RAB4A: variants seen among roughly 807,000 people sequenced by gnomAD.
RAB4A encodes the protein ras-related protein Rab-4A.
Under a neutral mutation model 34.5 loss-of-function variants are expected in RAB4A, and 20 were observed. The observed-to-expected ratio is 0.58, with a 90% CI of 0.41 to 0.84. The LOEUF (loss-of-function observed/expected upper bound fraction) is 0.84, where lower values mean the gene tolerates loss of function less well. RAB4A is among the 40% of genes least tolerant of loss of function. The pLI, the probability that RAB4A is intolerant of heterozygous loss-of-function variation, is 0.00. For missense variants in RAB4A, 228 were observed against 274.5 expected (o/e 0.83, Z 1.20); for synonymous variants, 102 against 100.0 (o/e 1.02, Z -0.12).
chr1:229,281,859 G>T (rs1656788852), intron 1 of RAB4A, among the ~76,000 whole-genome samples: 1 of 143,162 alleles, frequency 7.0e-6, no homozygotes, highest in Admixed American at 7.0e-5. Flanking sequence ...ATAGTTTACT[G>T]TTGTCATCTT....
intron 3 of RAB4A, among the ~76,000 whole-genome samples, chr1:229,293,962 T>A (rs1042844908): frequency 3.3e-5 from 5 of 152,114 alleles, no homozygotes; most frequent in African/African-American, 1.2e-4. Flanking sequence ...AAGAATGGAC[T>A]GTGGGCCACA....
At chr1:229,287,360 C>T (rs1380464485) in intron 2 of RAB4A, among the ~76,000 whole-genome samples, 1 of 152,184 alleles carries the variant, frequency 6.6e-6, no homozygotes, top group Non-Finnish European at 1.5e-5. Context: ...ATTTTCATCA[C>T]CCAAGAGCTT....
chr1:229,295,932 G>A (rs750992486), intron 4 of RAB4A, 22 bp downstream of exon 4: 1 of 1,613,442 alleles, frequency 6.2e-7, no homozygotes, highest in Admixed American at 1.7e-5. Flanking sequence ...TCCCCCTGGT[G>A]AAGGAGGGTG....
Position 229,302,960 on chromosome 1 carries a change from C to G in RAB4A, c.640C>G (p.Gln214Glu), listed in dbSNP as rs1486473499. Residue 214 changes from glutamine (Q) to glutamate (E), a missense_variant, in exon 7 of 8, where the codon CAG becomes GAG. Transcript: ENST00000366690. The stretch of plus-strand genomic sequence containing the variant: ...GCGGCGCGCACAGGCCCCGAACGCT[C>G]AGGAGTGTGGTTGTTAGGAGAGCAC... ...SPRRAQAPNA[Q>E]ECGC The G allele has an allele frequency of 6.2e-7, 1 of 1,613,788 alleles. No individual in the cohort carries two copies. The highest frequency in any genetic ancestry group is 8.5e-7 in the Non-Finnish European group (1 of 1,179,824).
chr1:229,288,803 A>C lies in RAB4A; in HGVS notation c.187A>C (p.Lys63Gln). The C allele has an allele frequency of 6.3e-7, 1 of 1,592,846 alleles. No homozygotes were observed. Among genetic ancestry groups the C allele is most frequent in the South Asian group, 1.1e-5 (1 of 90,150 alleles). Reference sequence around the variant, plus strand: ...AATAAATGTTGGTGGTAAATATGTAAAGTTACAAATATGGGATACAGCAGG... The same window carrying C: ...AATAAATGTTGGTGGTAAATATGTACAGTTACAAATATGGGATACAGCAGG... ...KIINVGGKYVKLQIWDTAGQE... is the reference protein window; with the variant it reads ...KIINVGGKYVQLQIWDTAGQE... The change falls in exon 3 of 8, where the codon AAG becomes CAG. Residue 63 changes from lysine to glutamine, a missense_variant. Coordinates refer to ENST00000366690, the MANE Select transcript of RAB4A (RefSeq NM_004578.4).
chr1:229,286,337 ACATATGTATTGT>A (rs2102842995), intron 1 of RAB4A, 137 bp from the exon 2 acceptor site: 1 of 562,652 alleles, frequency 1.8e-6, no homozygotes, highest in African/African-American at 2.0e-5. Flanking sequence ...AGGTAAGTCA[ACATATGTATTGT>A]CATTTCACAA....
intron 1 of RAB4A, among the ~76,000 whole-genome samples, chr1:229,273,351 C>G (rs1290642362): frequency 6.6e-6 from 1 of 152,198 alleles, no homozygotes; most frequent in Non-Finnish European, 1.5e-5. Flanking sequence ...ATTCTTATTT[C>G]ATGGTAACTT....
intron 5 of RAB4A, 113 bp downstream of exon 5, chr1:229,297,749 AT>A (rs1178961522): frequency 1.2e-5 from 14 of 1,197,284 alleles, no homozygotes; most frequent in Non-Finnish European, 1.6e-5. Flanking sequence ...GATTTAGGAA[AT>A]GTGGAATTTC....
chr1:229,283,900 T>A (rs1033926272), intron 1 of RAB4A, among the ~76,000 whole-genome samples: 12 of 150,110 alleles, frequency 8.0e-5, no homozygotes, highest in Non-Finnish European at 1.6e-4. Flanking sequence ...CTAATTTTTT[T>A]ATTATTATTA....
At chr1:229,301,961 A>T (rs192945674) in intron 6 of RAB4A, among the ~76,000 whole-genome samples, 209 of 151,948 alleles carry the variant, frequency 1.4e-3, no homozygotes, top group Non-Finnish European at 2.0e-3. Flanking sequence ...ATGTTCCAAA[A>T]TCTGAAACTT....
intron 1 of RAB4A, among the ~76,000 whole-genome samples, chr1:229,274,498 A>T (rs1223266203): frequency 6.6e-6 from 1 of 152,200 alleles, no homozygotes; most frequent in Non-Finnish European, 1.5e-5. Flanking sequence ...TCACCACATG[A>T]ATACTGTACT....
intron 2 of RAB4A, among the ~76,000 whole-genome samples, chr1:229,286,866 C>G (rs556214838): frequency 1.3e-5 from 2 of 152,170 alleles, no homozygotes; most frequent in Non-Finnish European, 2.9e-5. Context: ...CCTGACAGAG[C>G]AGCCAGAGAA....
At chr1:229,272,658 A>G (rs1358223120) in intron 1 of RAB4A, among the ~76,000 whole-genome samples, 1 of 151,984 alleles carries the variant, frequency 6.6e-6, no homozygotes, top group Non-Finnish European at 1.5e-5. Context: ...GGGTAACTCA[A>G]GAAGGGTGTG....
rs200312414 is a variant in RAB4A, at chr1:229,280,788, TCAC to T, written c.32-5694_32-5692del. Among the ~76,000 whole-genome samples, 1,256 of 152,314 alleles carry T rather than the reference TCAC, an allele frequency of 8.2e-3. 8 individuals carry two copies. Among genetic ancestry groups the T allele is most frequent in the Non-Finnish European group, 0.013 (909 of 68,016 alleles). On this transcript the variant is annotated intron_variant, in intron 1 of 7. Coordinates refer to ENST00000366690, the MANE Select transcript of RAB4A (RefSeq NM_004578.4). ...TTTATAGGCACAGACTTCCTTCCTA[TCAC>T]CACATTTTCCTTAGCCTTTGGCAAC... is the stretch of plus-strand genomic sequence containing the variant.
intron 3 of RAB4A, among the ~76,000 whole-genome samples, chr1:229,290,558 T>G (rs373295082): frequency 7.9e-5 from 12 of 152,368 alleles, no homozygotes; most frequent in East Asian, 3.9e-4. Flanking sequence ...ATAAAGAGCT[T>G]CTTTTAGACT....
In RAB4A at chr1:229,305,313, C is replaced by T. The variant is rs987321009; in HGVS notation, c.*1520C>T. ...GTCTCATTTATGATAGATTTGCAAG[C>T]TGCTCATTTTTGAACAGCTTTTTGC... is the stretch of plus-strand genomic sequence containing the variant. On this transcript the variant is annotated 3_prime_UTR_variant, in exon 8 of 8. Transcript: ENST00000366690. 1.9e-6 allele frequency: 3 copies of T among 1,579,778 alleles called. No individual in the cohort carries two copies. The highest frequency in any genetic ancestry group is 2.7e-5 in the African/African-American group (2 of 73,256).
In RAB4A at chr1:229,297,507, A is replaced by G. The variant is rs1657280718; in HGVS notation, c.316A>G (p.Asn106Asp). The G allele has an allele frequency of 1.2e-6, 2 of 1,605,644 alleles. No individual in the cohort carries two copies. The highest frequency in any genetic ancestry group is 2.7e-5 in the African/African-American group (2 of 74,476). ...CCGAGAAACCTACAATGCGCTTACT[A>G]ATTGGTTAACAGATGCCCGAATGCT... ...TSRETYNALTNWLTDARMLAS... is the reference protein window; with the variant it reads ...TSRETYNALTDWLTDARMLAS... Residue 106 changes from asparagine (N) to aspartate (D), a missense_variant, in exon 5 of 8, where the codon AAT (asparagine) becomes GAT (aspartate). Coordinates refer to ENST00000366690, the MANE Select transcript of RAB4A (RefSeq NM_004578.4).
intron 1 of RAB4A, among the ~76,000 whole-genome samples, chr1:229,281,819 T>C (rs988845867): frequency 5.5e-4 from 1 of 1,834 alleles, no homozygotes; most frequent in African/African-American, 2.0e-3. Flanking sequence ...ATCATAGTTA[T>C]ATATATATAT....
chr1:229,295,937 AG>A (rs1392710859), intron 4 of RAB4A, 27 bp downstream of exon 4: 1 of 1,612,336 alleles, frequency 6.2e-7, no homozygotes, highest in Non-Finnish European at 8.5e-7. Flanking sequence ...CTGGTGAAGG[AG>A]GGTGCTCAGT....
Sources: gnomAD v4.1 joint callset for allele counts (sites outside exome capture counted in the v4.1 genomes callset) on GRCh38, gnomAD v4.1.1 for gene constraint, MANE v1.5 for transcripts, NCBI Gene and HGNC (gene_info 2026-07-23, HGNC 2026-07-21) for gene names.